NOVA1: variants seen among roughly 807,000 people sequenced by gnomAD.
The protein encoded by NOVA1 is NOVA alternative splicing regulator 1.
A neutral mutation model predicts 38.0 loss-of-function variants in NOVA1; 7 were observed. The observed-to-expected ratio is 0.18, with a 90% confidence interval of 0.10 to 0.35. The LOEUF is 0.35. Among genes scored for constraint, NOVA1 ranks in the 10% least tolerant of loss-of-function variants. The probability of loss-of-function intolerance (pLI) is 1.00; values close to 1 mark genes in which losing one functional copy is unlikely to be tolerated. For synonymous variants in NOVA1, 270 were observed against 232.5 expected (o/e 1.16, Z -1.47); for missense variants, 460 against 616.0 (o/e 0.75, Z 2.68).
At chr14:26,590,332 C>T (rs1198444606) in intron 2 of NOVA1, among the ~76,000 whole-genome samples, 2 of 151,840 alleles carry the variant, frequency 1.3e-5, no homozygotes, top group African/African-American at 2.4e-5. Context: ...CTCCCACCTT[C>T]GTCCCCCCAG....
intron 2 of NOVA1, among the ~76,000 whole-genome samples, chr14:26,575,978 C>T (rs527864883): frequency 1.3e-5 from 2 of 151,982 alleles, no homozygotes; most frequent in African/African-American, 2.4e-5. Context: ...TGAGGAAACT[C>T]GCAGCTGACA....
chr14:26,445,556 G>T lies in NOVA1; in HGVS notation c.*2403C>A, dbSNP rs967454354. On this transcript the variant is annotated 3_prime_UTR_variant, in exon 5 of 5. Coordinates refer to ENST00000539517, the MANE Select transcript of NOVA1 (RefSeq NM_002515.3). ...ATAAAACACACATAATTGTTTAAATGGTTTGGCTTCAAAGTAACATTAAAT... is the reference window on the plus strand; with the variant it reads ...ATAAAACACACATAATTGTTTAAATTGTTTGGCTTCAAAGTAACATTAAAT... The T allele has an allele frequency of 6.6e-6, 1 of 152,252 alleles. No homozygotes were observed. Among genetic ancestry groups the T allele is most frequent in the Admixed American group, 6.5e-5 (1 of 15,292 alleles). 9.4% of individuals were successfully genotyped at this position (152,252 alleles called of 1,614,324 possible).
chr14:26,584,402 A>G (rs1382040584), intron 2 of NOVA1, among the ~76,000 whole-genome samples: 1 of 151,574 alleles, frequency 6.6e-6, no homozygotes, highest in South Asian at 2.1e-4. Context: ...ACATAAATAT[A>G]TATTTTTTAA....
At chr14:26,567,482 G>A (rs761546968) in intron 2 of NOVA1, among the ~76,000 whole-genome samples, 1 of 151,678 alleles carries the variant, frequency 6.6e-6, no homozygotes, top group Non-Finnish European at 1.5e-5. Flanking sequence ...TTTTTGTAGA[G>A]ACAAGGTCTT....
At chr14:26,532,588 A>C (rs541972881) in intron 2 of NOVA1, among the ~76,000 whole-genome samples, 2 of 152,212 alleles carry the variant, frequency 1.3e-5, no homozygotes, top group African/African-American at 4.8e-5. Context: ...GGCACAATGA[A>C]ATTTTTTGGC....
intron 2 of NOVA1, among the ~76,000 whole-genome samples, chr14:26,494,535 G>A (rs1886609218): frequency 6.6e-6 from 1 of 152,102 alleles, no homozygotes; most frequent in Non-Finnish European, 1.5e-5. Flanking sequence ...GTAGCCATGA[G>A]GAAAAATATC....
chr14:26,562,777 T>C (rs934147308), intron 2 of NOVA1, among the ~76,000 whole-genome samples: 1 of 152,088 alleles, frequency 6.6e-6, no homozygotes, highest in Non-Finnish European at 1.5e-5. Context: ...GGCACATAGG[T>C]TTACTACCCT....
intron 2 of NOVA1, among the ~76,000 whole-genome samples, chr14:26,483,753 A>G (rs1594375983): frequency 6.6e-6 from 1 of 152,322 alleles, no homozygotes; most frequent in African/African-American, 2.4e-5. Flanking sequence ...GCAAAGACAC[A>G]AAAATAGTTT....
Position 26,445,619 on chromosome 14 carries a change from G to A in NOVA1, c.*2340C>T, listed in dbSNP as rs553060441. On this transcript the variant is annotated 3_prime_UTR_variant, in exon 5 of 5. Coordinates refer to ENST00000539517, the MANE Select transcript of NOVA1 (RefSeq NM_002515.3). ...GCATGGGCTCCACAGTGGACTACTGGAATTTTGAAATAAAAGATCGAAGAT... is the reference window on the plus strand; with the variant it reads ...GCATGGGCTCCACAGTGGACTACTGAAATTTTGAAATAAAAGATCGAAGAT... 6.6e-6 allele frequency: 1 copy of A among 152,204 alleles called. No homozygotes were observed. The highest frequency in any genetic ancestry group is 6.5e-5 in the Admixed American group (1 of 15,278). 9.4% of individuals were successfully genotyped at this position (152,204 alleles called of 1,614,324 possible). A position where few individuals can be genotyped will look rare whatever the true frequency, so the allele number is the denominator to read the frequency against.
chr14:26,482,740 C>T (rs1885568747), intron 2 of NOVA1, among the ~76,000 whole-genome samples: 1 of 152,146 alleles, frequency 6.6e-6, no homozygotes, highest in Non-Finnish European at 1.5e-5. Context: ...CTTTATCACT[C>T]AGGCTGGAGT....
Position 26,597,473 on chromosome 14 carries a change from C to CTT in NOVA1, c.-38_-37insAA, listed in dbSNP as rs1472791211. On this transcript the variant is annotated 5_prime_UTR_variant, in exon 1 of 5. Coordinates refer to ENST00000539517, the MANE Select transcript of NOVA1 (RefSeq NM_002515.3). ...CTGCCGCTGCTACCGGGAGAAGGTTCTCCCTTTTGTTTTGGCTTTTTCTTT... is the reference window on the plus strand; with the variant it reads ...CTGCCGCTGCTACCGGGAGAAGGTTCTTTCCCTTTTGTTTTGGCTTTTTCTTT... 8.0e-7 allele frequency: 1 copy of CTT among 1,247,206 alleles called. No homozygotes were observed. Among genetic ancestry groups the CTT allele is most frequent in the East Asian group, 3.0e-5 (1 of 33,052 alleles). 77.3% of individuals were successfully genotyped at this position (1,247,206 alleles called of 1,614,324 possible).
At chr14:26,496,525 T>C (rs1886802122) in intron 2 of NOVA1, among the ~76,000 whole-genome samples, 1 of 152,094 alleles carries the variant, frequency 6.6e-6, no homozygotes, top group Non-Finnish European at 1.5e-5. Flanking sequence ...ATTTTGGCTT[T>C]TGTTGCCATT....
intron 2 of NOVA1, among the ~76,000 whole-genome samples, chr14:26,574,859 A>G (rs1892736119): frequency 6.6e-6 from 1 of 151,706 alleles, no homozygotes; most frequent in African/African-American, 2.4e-5. Context: ...ACAGAGTCTC[A>G]CTCTGTTGCC....
intron 1 of NOVA1, 105 bp downstream of exon 1, chr14:26,597,196 G>T: frequency 8.7e-7 from 1 of 1,142,940 alleles, no homozygotes; most frequent in Non-Finnish European, 1.1e-6. Context: ...AGGTGTCCGG[G>T]CCGCGGGAGG....
intron 2 of NOVA1, among the ~76,000 whole-genome samples, chr14:26,497,920 A>C (rs1205266504): frequency 6.6e-6 from 1 of 152,226 alleles, no homozygotes. Context: ...TTAAGAAAAG[A>C]AATAAATATC....
At chr14:26,509,632 TGGA>T (rs1887904507) in intron 2 of NOVA1, among the ~76,000 whole-genome samples, 1 of 152,128 alleles carries the variant, frequency 6.6e-6, no homozygotes, top group African/African-American at 2.4e-5. Flanking sequence ...GATGTAAAGA[TGGA>T]GGAGACATTG....
intron 4 of NOVA1, among the ~76,000 whole-genome samples, chr14:26,454,399 T>C (rs1882986158): frequency 6.6e-6 from 1 of 152,132 alleles, no homozygotes; most frequent in African/African-American, 2.4e-5. Context: ...TAAAGAGATA[T>C]TTGTGTTTCA....
chr14:26,574,604 T>C (rs991633531), intron 2 of NOVA1, among the ~76,000 whole-genome samples: 1 of 152,078 alleles, frequency 6.6e-6, no homozygotes, highest in South Asian at 2.1e-4. Flanking sequence ...TACTTAAAAT[T>C]AAAGTGTTAT....
At chr14:26,551,375 C>T (rs1413997746) in intron 2 of NOVA1, among the ~76,000 whole-genome samples, 1 of 152,024 alleles carries the variant, frequency 6.6e-6, no homozygotes, top group Non-Finnish European at 1.5e-5. Context: ...AATAATTGTT[C>T]AAAAGAGCTA....
Sources: allele counts gnomAD v4.1 joint callset (sites outside exome capture counted in the v4.1 genomes callset), GRCh38; gene constraint gnomAD v4.1.1; transcripts MANE v1.5; gene names NCBI Gene and HGNC (gene_info 2026-07-23, HGNC 2026-07-21).